CSMD1: variants seen among roughly 807,000 people sequenced by gnomAD.
The protein encoded by CSMD1 is CUB and sushi domain-containing protein 1.
CSMD1 carries 213 observed loss-of-function variants against 417.5 expected under a neutral mutation model. The ratio of observed to expected loss-of-function variants is 0.51; its 90% CI spans 0.46 to 0.57. The LOEUF is 0.57. Among genes scored for constraint, CSMD1 ranks in the 20% least tolerant of loss-of-function variants. CSMD1 has a pLI of 0.00. For missense variants in CSMD1, 6,923 were observed against 4,529.7 expected (o/e 1.53, Z -15.17); for synonymous variants, 2,862 against 1,736.8 (o/e 1.65, Z -16.11).
intron 3 of CSMD1, among the ~76,000 whole-genome samples, chr8:4,209,558 C>T (rs973845724): frequency 1.2e-4 from 18 of 152,194 alleles, no homozygotes; most frequent in Non-Finnish European, 2.1e-4. Context: ...GCCATGCTGC[C>T]TCTTCTGGCA....
At chr8:3,413,226 A>C (rs78650463) in intron 12 of CSMD1, among the ~76,000 whole-genome samples, 2,564 of 152,266 alleles carry the variant, frequency 0.017, 76 homozygotes, top group African/African-American at 0.059. Context: ...TAAAGTTTAC[A>C]ATTTCTCCTT....
intron 4 of CSMD1, among the ~76,000 whole-genome samples, chr8:4,012,122 A>AAT (rs1278499836): frequency 2.0e-5 from 3 of 152,072 alleles, no homozygotes; most frequent in African/African-American, 7.3e-5. Context: ...CTAGATTTAA[A>AAT]ATATATATAT....
At chr8:4,158,110 G>C (rs1452929687) in intron 3 of CSMD1, among the ~76,000 whole-genome samples, 3 of 142,188 alleles carry the variant, frequency 2.1e-5, no homozygotes, top group African/African-American at 8.0e-5. Context: ...TTTTCTGTTT[G>C]AGCTTAAGAT....
In CSMD1 at chr8:3,960,440, A is replaced by G. The variant is rs150981788; in HGVS notation, c.818+37463T>C. On this transcript the variant is annotated intron_variant, in intron 5 of 69. Transcript: ENST00000635120. ...AGATAGTCCCTCAATGCTAGTGAGA[A>G]ATACAATTTTCAACACAGGGGCGAA... 3.6e-3 allele frequency among the ~76,000 whole-genome samples: 543 copies of G among 152,326 alleles called. 12 individuals carry two copies. The highest frequency in any genetic ancestry group is 0.025 in the Admixed American group (375 of 15,298).
chr8:3,355,291 A>G (rs1183910053), intron 21 of CSMD1, among the ~76,000 whole-genome samples: 1 of 152,174 alleles, frequency 6.6e-6, no homozygotes, highest in African/African-American at 2.4e-5. Flanking sequence ...TGTTCAAATA[A>G]TTCTGAAATG....
At chr8:3,538,422 A>C (rs1303118402) in intron 10 of CSMD1, among the ~76,000 whole-genome samples, 1 of 152,138 alleles carries the variant, frequency 6.6e-6, no homozygotes, top group African/African-American at 2.4e-5. Context: ...AAAATGGTGC[A>C]CTTGAGATGC....
intron 1 of CSMD1, among the ~76,000 whole-genome samples, chr8:4,864,897 A>ACACAAACAC: frequency 2.0e-5 from 1 of 50,486 alleles, no homozygotes; most frequent in East Asian, 8.2e-4. Context: ...CACACACACA[A>ACACAAACAC]ACACACACAC....
At chr8:3,276,967 A>T (rs747177648) in intron 26 of CSMD1, among the ~76,000 whole-genome samples, 51 of 152,216 alleles carry the variant, frequency 3.4e-4, no homozygotes, top group Admixed American at 1.8e-3. Context: ...AAGTATAAAC[A>T]TTGTGTTTGG....
chr8:4,523,443 A>T (rs1423691861), intron 2 of CSMD1, among the ~76,000 whole-genome samples: 1 of 152,146 alleles, frequency 6.6e-6, no homozygotes, highest in Non-Finnish European at 1.5e-5. Context: ...GAAGGTGTAA[A>T]ACTCATAATA....
intron 12 of CSMD1, among the ~76,000 whole-genome samples, chr8:3,452,155 C>T (rs910514161): frequency 2.0e-5 from 3 of 152,136 alleles, no homozygotes; most frequent in Non-Finnish European, 4.4e-5. Context: ...GTGATTTTTG[C>T]ACACTGATTT....
At chr8:4,040,415 G>A (rs1011404444) in intron 3 of CSMD1, among the ~76,000 whole-genome samples, 3 of 152,154 alleles carry the variant, frequency 2.0e-5, no homozygotes, top group Admixed American at 6.5e-5. Flanking sequence ...GTAATTTCCA[G>A]GACAGGTAAC....
intron 3 of CSMD1, among the ~76,000 whole-genome samples, chr8:4,335,242 A>G (rs1193363510): frequency 6.6e-6 from 1 of 152,028 alleles, no homozygotes; most frequent in Non-Finnish European, 1.5e-5. Flanking sequence ...CCATTTGTGA[A>G]CACTTCACCC....
rs749417820 is a variant in CSMD1 at position 3,359,324 on chromosome 8, T to A, written c.3132A>T (p.Pro1044=). Residue 1044 remains proline (P), a synonymous_variant, in exon 21 of 70, where the codon CCA becomes CCT. Coordinates refer to ENST00000635120, the MANE Select transcript of CSMD1 (RefSeq NM_033225.6). ...NITFSEYDLE[P]CDDPGVPAFS... is the part of the protein sequence containing the mutation. ...AGGCAGGGACTCCAGGATCATCACA[T>A]GGCTCCAGGTCATATTCTGAGGCAT... 6.2e-7 allele frequency: 1 copy of A among 1,613,298 alleles called. No individual in the cohort carries two copies. Among genetic ancestry groups the A allele is most frequent in the Non-Finnish European group, 8.5e-7 (1 of 1,179,730 alleles).
At chr8:4,058,262 T>G (rs1437116767) in intron 3 of CSMD1, among the ~76,000 whole-genome samples, 2 of 152,062 alleles carry the variant, frequency 1.3e-5, no homozygotes, top group Non-Finnish European at 2.9e-5. Flanking sequence ...CCCTTGTAAG[T>G]TGGATTCCTA....
At chr8:3,726,678 G>C (rs1167753298) in intron 6 of CSMD1, among the ~76,000 whole-genome samples, 1 of 152,136 alleles carries the variant, frequency 6.6e-6, no homozygotes, top group Non-Finnish European at 1.5e-5. Context: ...CTGTAGTTCT[G>C]GTTTGTGAGT....
At chr8:4,427,260 G>A (rs547578556) in intron 2 of CSMD1, among the ~76,000 whole-genome samples, 2 of 152,176 alleles carry the variant, frequency 1.3e-5, no homozygotes, top group Non-Finnish European at 2.9e-5. Context: ...CAGTCCAAGA[G>A]ATCACTTGAG....
At chr8:4,192,355 G>A (rs568524952) in intron 3 of CSMD1, among the ~76,000 whole-genome samples, 6 of 152,148 alleles carry the variant, frequency 3.9e-5, no homozygotes, top group South Asian at 4.1e-4. Flanking sequence ...AGCAGTTCTT[G>A]GATGTCTTAG....
chr8:4,253,635 C>G (rs1268806524), intron 3 of CSMD1, among the ~76,000 whole-genome samples: 2 of 151,992 alleles, frequency 1.3e-5, no homozygotes, highest in Non-Finnish European at 2.9e-5. Context: ...AGGGAAGGGG[C>G]CAGATCTACT....
At chr8:3,255,745 G>C (rs911150951) in intron 26 of CSMD1, among the ~76,000 whole-genome samples, 9 of 152,176 alleles carry the variant, frequency 5.9e-5, no homozygotes, top group Admixed American at 3.9e-4. Context: ...GGAGTGACCG[G>C]ATTTTCCAGG....
Sources: allele counts gnomAD v4.1 joint callset (sites outside exome capture counted in the v4.1 genomes callset), GRCh38; gene constraint gnomAD v4.1.1; transcripts MANE v1.5; gene names NCBI Gene and HGNC (gene_info 2026-07-23, HGNC 2026-07-21).